INO80: variants seen among roughly 807,000 people sequenced by gnomAD.
INO80 encodes the protein chromatin-remodeling ATPase INO80.
In INO80, 20 loss-of-function variants were observed where a neutral mutation model predicts 203.4. The ratio of observed to expected loss-of-function variants is 0.10; its 90% CI spans 0.07 to 0.14. The LOEUF (loss-of-function observed/expected upper bound fraction) is 0.14. INO80 is among the 10% of genes least tolerant of loss of function. INO80 has a pLI of 1.00. For missense variants in INO80, 1,419 were observed against 1,914.4 expected, an observed-to-expected ratio of 0.74 and a Z score of 4.83; for synonymous variants, 726 against 685.2, an observed-to-expected ratio of 1.06 and a Z score of -0.93.
intron 16 of INO80, among the ~76,000 whole-genome samples, 165 bp from the exon 17 acceptor site, chr15:41,056,871 C>G (rs950513790): frequency 2.0e-5 from 3 of 152,126 alleles, no homozygotes; most frequent in African/African-American, 7.2e-5. Context: ...AAGCTGAAAA[C>G]AGGACACTTC....
intron 21 of INO80, 101 bp from the exon 22 acceptor site, chr15:41,048,377 A>G: frequency 1.2e-6 from 1 of 850,938 alleles, no homozygotes. Flanking sequence ...TTAGTTTTGA[A>G]ACTGTTTCAC....
intron 30 of INO80, 42 bp downstream of exon 30, chr15:40,987,774 G>C: frequency 6.3e-7 from 1 of 1,580,634 alleles, no homozygotes; most frequent in Non-Finnish European, 8.6e-7. Context: ...TGGACTTTCT[G>C]TTTGCTCCAC....
chr15:41,032,008 C>CACAGCACAGCACAGCACAGG (rs2044488990), intron 24 of INO80, among the ~76,000 whole-genome samples: 3 of 60,608 alleles, frequency 4.9e-5, no homozygotes, highest in South Asian at 6.3e-4. Context: ...GACAGCACAG[C>CACAGCACAGCACAGCACAGG]ACAGCACAGC....
chr15:41,090,744 T>G (rs899239018), intron 5 of INO80, among the ~76,000 whole-genome samples: 2 of 151,996 alleles, frequency 1.3e-5, no homozygotes, highest in Non-Finnish European at 2.9e-5. Flanking sequence ...AAAAAAACAC[T>G]GAATTGCACA....
chr15:41,110,018 C>A (rs1488812994), intron 1 of INO80, among the ~76,000 whole-genome samples: 4 of 151,504 alleles, frequency 2.6e-5, no homozygotes, highest in African/African-American at 9.7e-5. Flanking sequence ...TTGCTTGAGC[C>A]CGGGAGGCAG....
intron 27 of INO80, among the ~76,000 whole-genome samples, chr15:41,014,151 C>A (rs2044169931): frequency 6.6e-6 from 1 of 152,212 alleles, no homozygotes; most frequent in Non-Finnish European, 1.5e-5. Flanking sequence ...AAACCACCTA[C>A]ACTCACCTTC....
At chr15:41,050,224 G>C in intron 19 of INO80, 122 bp from the exon 20 acceptor site, 2 of 652,382 alleles carry the variant, frequency 3.1e-6, no homozygotes, top group Non-Finnish European at 5.3e-6. Flanking sequence ...TGTGAACTCA[G>C]TATCTCTATA....
Position 40,980,154 on chromosome 15 carries a change from T to C in INO80, c.*69A>G. The C allele has an allele frequency of 7.7e-7, 1 of 1,298,038 alleles. No individual in the cohort carries two copies. 80.4% of individuals were successfully genotyped at this position (1,298,038 alleles called of 1,614,324 possible). On this transcript the variant is annotated 3_prime_UTR_variant, in exon 36 of 36. Transcript: ENST00000648947. ...GCAAGATGCTGCACGGGGCAAGCCATCCAAAGACCACTGGCAGGTCAGGAC... is the reference window on the plus strand; with the variant it reads ...GCAAGATGCTGCACGGGGCAAGCCACCCAAAGACCACTGGCAGGTCAGGAC...
At chr15:41,027,163 A>T (rs1175533790) in intron 25 of INO80, among the ~76,000 whole-genome samples, 1 of 152,214 alleles carries the variant, frequency 6.6e-6, no homozygotes, top group Non-Finnish European at 1.5e-5. Flanking sequence ...TCCTTTTGTT[A>T]TCTGGAGACT....
chr15:41,008,463 G>GT (rs2044083880), intron 27 of INO80, among the ~76,000 whole-genome samples: 1 of 152,052 alleles, frequency 6.6e-6, no homozygotes, highest in Non-Finnish European at 1.5e-5. Flanking sequence ...GGGTACAAAG[G>GT]TTCAGTTATG....
At chr15:41,090,561 G>A (rs1026350004) in intron 5 of INO80, among the ~76,000 whole-genome samples, 8 of 152,270 alleles carry the variant, frequency 5.3e-5, no homozygotes, top group Middle Eastern at 3.4e-3. Flanking sequence ...GGGCAACAGA[G>A]CGAGACTCTG....
intron 1 of INO80, among the ~76,000 whole-genome samples, chr15:41,113,659 T>C (rs2045988368): frequency 6.6e-6 from 1 of 152,166 alleles, no homozygotes; most frequent in African/African-American, 2.4e-5. Flanking sequence ...CCACCCAGGC[T>C]TGAGTGCGCT....
At position 40,984,258 on chromosome 15, in the gene INO80, G is replaced by C. The variant is rs1893939505; in HGVS notation, c.4016C>G (p.Ser1339Cys). ...FVPSADNSNL[S>C]ADGDDSFISV... ...AATGAAGGAGTCATCTCCGTCAGCA[G>C]AGAGGTTGGAGTTATCAGCCGAGGG... is the stretch of plus-strand genomic sequence containing the variant. Residue 1339 changes from serine (S) to cysteine (C), a missense_variant, in exon 33 of 36, where the codon TCT (serine) becomes TGT (cysteine). Around this residue, in one of 9 missense-constraint regions of INO80, gnomAD observed 214 missense variants for 248.9 expected, o/e 0.86. Coordinates refer to ENST00000648947, the MANE Select transcript of INO80 (RefSeq NM_017553.3). 1 of 1,613,958 alleles carries C rather than the reference G, an allele frequency of 6.2e-7. No individual in the cohort carries two copies.
chr15:41,088,087 CTTTTT>C (rs943111352), intron 5 of INO80, among the ~76,000 whole-genome samples: 1 of 101,082 alleles, frequency 9.9e-6, no homozygotes, highest in African/African-American at 4.0e-5. Context: ...GCTTGCTTTT[CTTTTT>C]TTTTTTTTTT....
chr15:41,068,173 G>A (rs2045253255), intron 14 of INO80, among the ~76,000 whole-genome samples: 2 of 152,300 alleles, frequency 1.3e-5, no homozygotes, highest in South Asian at 4.1e-4. Context: ...TGTAATCCCA[G>A]GACTCTGGGA....
In INO80 at chr15:40,994,151, C is replaced by T. The variant is rs186913318; in HGVS notation, c.3570+3378G>A. Among the ~76,000 whole-genome samples the T allele has an allele frequency of 1.4e-4, 21 of 152,252 alleles. No homozygotes were observed. In the East Asian group the frequency reaches 2.9e-3, roughly 21 times the overall value. On this transcript the variant is annotated intron_variant, in intron 29 of 35. Transcript: ENST00000648947. The stretch of plus-strand genomic sequence containing the variant: ...TGCTTGATTATGCCAAGCATGTTCT[C>T]ACCTTAGGGCTTTGCACTTATCTCC...
chr15:41,020,354 G>C (rs1184964313), intron 26 of INO80, among the ~76,000 whole-genome samples: 1 of 152,196 alleles, frequency 6.6e-6, no homozygotes, highest in Non-Finnish European at 1.5e-5. Context: ...TCTGTGTTCA[G>C]TTTCCTTAAA....
intron 24 of INO80, among the ~76,000 whole-genome samples, chr15:41,035,342 A>G (rs986829102): frequency 5.3e-5 from 8 of 152,134 alleles, no homozygotes; most frequent in African/African-American, 1.4e-4. Flanking sequence ...TGGGAGGCTG[A>G]GGCAGGGGAA....
intron 1 of INO80, among the ~76,000 whole-genome samples, chr15:41,115,011 G>C (rs1348572604): frequency 6.6e-6 from 1 of 152,098 alleles, no homozygotes; most frequent in East Asian, 1.9e-4. Flanking sequence ...TTAGAAAGCG[G>C]AATTTTTTGG....
Sources: gnomAD v4.1 joint callset for allele counts (sites outside exome capture counted in the v4.1 genomes callset) on GRCh38, gnomAD v4.1.1 for gene constraint, gnomAD v4.1.1 regional missense constraint, MANE v1.5 for transcripts, NCBI Gene and HGNC (gene_info 2026-07-23, HGNC 2026-07-21) for gene names.